The following PFKFB4 variants were observed in gnomAD, a reference collection of about 807,000 sequenced individuals.
PFKFB4 encodes the protein 6-phosphofructo-2-kinase/fructose-2,6-bisphosphatase 4.
In PFKFB4, 42 loss-of-function variants were observed where a neutral mutation model predicts 62.8. The ratio of observed to expected loss-of-function variants is 0.67; its 90% confidence interval spans 0.52 to 0.86. The LOEUF is 0.86. PFKFB4 is among the 40% of genes least tolerant of loss of function. The pLI is 0.00. For synonymous variants in PFKFB4, 204 were observed against 240.7 expected, an observed-to-expected ratio of 0.85 and a Z score of 1.41; for missense variants, 475 against 627.2, an observed-to-expected ratio of 0.76 and a Z score of 2.59.
chr3:48,539,413 T>G, intron 5 of PFKFB4, 103 bp from the exon 6 acceptor site: 1 of 1,021,558 alleles, frequency 9.8e-7, no homozygotes, highest in Non-Finnish European at 1.5e-6. Flanking sequence ...CTGAGGCCCA[T>G]GCTGACAAGC....
At chr3:48,545,636 G>GTT (rs371126898) in intron 3 of PFKFB4, among the ~76,000 whole-genome samples, 1 of 141,814 alleles carries the variant, frequency 7.1e-6, no homozygotes, top group Admixed American at 7.1e-5. Flanking sequence ...TCTTTCTTTT[G>GTT]TTTTTTTTTT....
At position 48,521,159 on chromosome 3, in the gene PFKFB4, A is replaced by G. The variant is rs112984955; in HGVS notation, c.1350+827T>C. On this transcript the variant is annotated intron_variant, in intron 13 of 13. Transcript: ENST00000232375. This position sits in a 1 kb window ranked among gnomAD's most constrained non-coding sequence, Gnocchi z 5.3. ...GCCAGATGTCCTGGTCCAGCCCAAG[A>G]CGTGCATCCTCAGCAGGGACCCAGA... Among the ~76,000 whole-genome samples the G allele has an allele frequency of 0.05, 7,644 of 152,274 alleles. 632 individuals are homozygous for G. Among genetic ancestry groups the G allele is most frequent in the African/African-American group, 0.17 (7,189 of 41,526 alleles).
chr3:48,538,810 A>AG (rs1405744604), intron 6 of PFKFB4, among the ~76,000 whole-genome samples, 191 bp from the exon 7 acceptor site: 1 of 152,094 alleles, frequency 6.6e-6, no homozygotes, highest in Non-Finnish European at 1.5e-5. Context: ...CAGTGCCAAG[A>AG]GGGTATCACT....
At chr3:48,525,705 G>T in intron 9 of PFKFB4, 36 bp from the exon 10 acceptor site, 1 of 1,242,102 alleles carries the variant, frequency 8.1e-7, no homozygotes, top group Non-Finnish European at 1.2e-6. Context: ...CCTCCTACAG[G>T]CCCAGAAGAT....
At chr3:48,544,024 A>AT (rs911014655) in intron 3 of PFKFB4, among the ~76,000 whole-genome samples, 7 of 64,966 alleles carry the variant, frequency 1.1e-4, no homozygotes, top group South Asian at 5.1e-4. Context: ...TTATTTATTT[A>AT]TTTTTTTTGA....
In PFKFB4 at chr3:48,538,522, T is replaced by G; in HGVS notation, c.608A>C (p.Glu203Ala). The change falls in exon 7 of 14, where the codon GAG becomes GCG. Residue 203 changes from glutamate (E) to alanine (A), a missense_variant. Coordinates refer to ENST00000232375, the MANE Select transcript of PFKFB4 (RefSeq NM_004567.4). ...CCTATCCAGGTCCTCATCTAGCGAC[T>G]CGTAGGAGTTCTCATAGCACTCAAT... ...RRIECYENSY[E>A]SLDEDLDRDL... 2 of 1,614,140 alleles carry G rather than the reference T, an allele frequency of 1.2e-6. No individual in the cohort carries two copies. The highest frequency in any genetic ancestry group is 1.7e-6 in the Non-Finnish European group (2 of 1,180,028).
At chr3:48,561,223 C>T (rs1486411207), upstream of PFKFB4, 3 of 517,894 alleles carry the variant, frequency 5.8e-6, no homozygotes, top group Non-Finnish European at 8.9e-6. This position sits in a 1 kb window ranked among gnomAD's most constrained non-coding sequence, Gnocchi z 5.2. Flanking sequence ...CCTGCAGCCC[C>T]GCCTCCCCAG....
chr3:48,531,640 A>T (rs186009800), intron 9 of PFKFB4, among the ~76,000 whole-genome samples: 2,092 of 151,232 alleles, frequency 0.014, 50 homozygotes, highest in African/African-American at 0.047. Flanking sequence ...TTTTTTTTTT[A>T]AATTTAGCTG....
In PFKFB4 at chr3:48,523,821, C is replaced by CTCTG; in HGVS notation, c.1101_1102insCAGA (p.Asp368GlnfsTer65). 1 of 1,613,902 alleles carries CTCTG rather than the reference C, an allele frequency of 6.2e-7. No individual in the cohort carries two copies. Among genetic ancestry groups the CTCTG allele is most frequent in the African/African-American group, 1.3e-5 (1 of 75,060 alleles). ...ACAGGCTCCAGTCTCTGGACCAGGT[C>CTCTG]CTCGTAGGACTGCAAGGGCAAGCAG... On this transcript the variant is annotated frameshift_variant, in exon 11 of 14. Transcript: ENST00000232375. LOFTEE classifies it high-confidence loss of function.
chr3:48,523,837 G>A lies in PFKFB4; in HGVS notation c.1093-7C>T, dbSNP rs368630473. The A allele has an allele frequency of 9.9e-6, 16 of 1,612,876 alleles. No homozygotes were observed. Among genetic ancestry groups the A allele is most frequent in the Non-Finnish European group, 1.4e-5 (16 of 1,179,228 alleles). On this transcript the variant is annotated splice_region_variant and splice_polypyrimidine_tract_variant and intron_variant, in intron 10 of 13. Transcript: ENST00000232375. Reference sequence around the variant, plus strand: ...GGACCAGGTCCTCGTAGGACTGCAAGGGCAAGCAGAGAGGGGTCCCTCAGG... The same window carrying A: ...GGACCAGGTCCTCGTAGGACTGCAAAGGCAAGCAGAGAGGGGTCCCTCAGG...
chr3:48,550,444 G>C (rs2043105755), intron 1 of PFKFB4, among the ~76,000 whole-genome samples: 1 of 152,132 alleles, frequency 6.6e-6, no homozygotes, highest in Non-Finnish European at 1.5e-5. Flanking sequence ...AGGCCCGCCT[G>C]GGCTCTGGCA....
chr3:48,522,717 T>A (rs1336131798), intron 12 of PFKFB4, among the ~76,000 whole-genome samples: 3 of 151,618 alleles, frequency 2.0e-5, no homozygotes, highest in Non-Finnish European at 4.4e-5. Flanking sequence ...TTAAGCAAAG[T>A]CACTGGGGAG....
chr3:48,538,209 G>C (rs1262783822), intron 7 of PFKFB4, among the ~76,000 whole-genome samples: 2 of 152,186 alleles, frequency 1.3e-5, no homozygotes, highest in African/African-American at 2.4e-5. Flanking sequence ...ATCTTTGACA[G>C]AAAATATTTG....
rs932318218 is a variant in PFKFB4, at chr3:48,542,593, C to A, written c.378+987G>T. Among the ~76,000 whole-genome samples, 17 of 151,996 alleles carry A rather than the reference C, an allele frequency of 1.1e-4. 1 individual carries two copies. Among genetic ancestry groups the A allele is most frequent in the Admixed American group, 1.0e-3 (16 of 15,252 alleles). On this transcript the variant is annotated intron_variant, in intron 4 of 13. Coordinates refer to ENST00000232375, the MANE Select transcript of PFKFB4 (RefSeq NM_004567.4). The stretch of plus-strand genomic sequence containing the variant: ...CCATGTATGGTGGAGAGAAGACCCA[C>A]CACAAACCACATCACCTTGAAGACC...
intron 9 of PFKFB4, among the ~76,000 whole-genome samples, chr3:48,531,266 C>T (rs762033640): frequency 4.6e-5 from 7 of 151,020 alleles, no homozygotes; most frequent in Non-Finnish European, 1.0e-4. Flanking sequence ...TTTGGGAGGC[C>T]GAGGTGGGAT....
chr3:48,536,839 G>A (rs925647687), intron 7 of PFKFB4: 3 of 191,948 alleles, frequency 1.6e-5, no homozygotes. Context: ...TGAACCAAGA[G>A]ACAGTTTTCC....
chr3:48,542,333 C>CAAA (rs1229597350), intron 4 of PFKFB4, among the ~76,000 whole-genome samples: 1 of 58,886 alleles, frequency 1.7e-5, no homozygotes, highest in Admixed American at 1.8e-4. Context: ...GACTCCATCT[C>CAAA]AAAAAAAAAA....
chr3:48,551,552 T>TTTA (rs1392228459), intron 1 of PFKFB4, among the ~76,000 whole-genome samples: 3 of 71,466 alleles, frequency 4.2e-5, no homozygotes, highest in African/African-American at 1.6e-4. Flanking sequence ...TTTTTTTTTT[T>TTTA]GAGAGGGAGT....
At chr3:48,520,431 T>C (rs2042061656) in intron 13 of PFKFB4, among the ~76,000 whole-genome samples, 1 of 152,170 alleles carries the variant, frequency 6.6e-6, no homozygotes, top group South Asian at 2.1e-4. Flanking sequence ...TCTCTGAGGC[T>C]GTCTTATGTG....
Sources: allele counts gnomAD v4.1 joint callset (sites outside exome capture counted in the v4.1 genomes callset), GRCh38; gene constraint gnomAD v4.1.1; non-coding constraint Gnocchi (gnomAD v3.1); transcripts MANE v1.5; gene names NCBI Gene and HGNC (gene_info 2026-07-23, HGNC 2026-07-21).